GSN: variants seen among roughly 807,000 people sequenced by gnomAD.
GSN encodes the protein actin-depolymerizing factor.
GSN carries 56 observed loss-of-function variants against 85.7 expected under a neutral mutation model. The observed-to-expected ratio is 0.65, with a 90% CI of 0.53 to 0.82. The LOEUF is 0.82. Ranked by LOEUF, GSN falls within the 40% of genes least tolerant of loss-of-function variation. The probability of loss-of-function intolerance (pLI) is 0.00; values close to 1 mark genes in which losing one functional copy is unlikely to be tolerated. For missense variants in GSN, 857 were observed against 979.8 expected (o/e 0.87, Z 1.67); for synonymous variants, 373 against 399.1 (o/e 0.93, Z 0.78).
intron 2 of GSN, chr9:121,286,265 CT>C: frequency 1.1e-6 from 1 of 895,554 alleles, no homozygotes; most frequent in Non-Finnish European, 1.7e-6. Context: ...GAAAGTCCCG[CT>C]CCTGACTCCT....
chr9:121,326,902 C>T, intron 13 of GSN: 1 of 711,980 alleles, frequency 1.4e-6, no homozygotes, highest in Non-Finnish European at 2.6e-6. Flanking sequence ...GCACAGTGGA[C>T]AGCTCACTAC....
In GSN at chr9:121,261,444, A is replaced by G. The variant is rs1321938886; in HGVS notation, c.-340-3710A>G. On this transcript the variant is annotated intron_variant, in intron 6 of 24. Transcript: ENST00000373823. The surrounding 1 kb of genome is among the most constrained non-coding windows in gnomAD (Gnocchi z 4.1). ...ACATGAAAGGCAGTGGCTTTGGAGC[A>G]AAACCTGGGTTCCAGTCCCAGCTCT... 6.6e-6 allele frequency among the ~76,000 whole-genome samples: 1 copy of G among 152,256 alleles called. No homozygotes were observed. Among genetic ancestry groups the G allele is most frequent in the Non-Finnish European group, 1.5e-5 (1 of 68,036 alleles).
chr9:121,266,266 T>A (rs2055199537), upstream of GSN, among the ~76,000 whole-genome samples: 1 of 152,194 alleles, frequency 6.6e-6, no homozygotes, highest in South Asian at 2.1e-4. Context: ...TGATGTGGTA[T>A]TCTCCAGTTC....
chr9:121,227,374 A>T (rs1380076974), intron 4 of GSN, among the ~76,000 whole-genome samples: 1 of 152,002 alleles, frequency 6.6e-6, no homozygotes, highest in East Asian at 1.9e-4. Flanking sequence ...AGCCTAGGCA[A>T]CAGAGCGAGA....
intron 16 of GSN, among the ~76,000 whole-genome samples, chr9:121,330,536 C>T (rs1358239166): frequency 1.3e-5 from 2 of 152,184 alleles, no homozygotes; most frequent in South Asian, 2.1e-4. Context: ...GATCATGCCA[C>T]TGCACTCCAG....
intron 14 of GSN, among the ~76,000 whole-genome samples, chr9:121,327,740 A>C (rs112064290): frequency 0.093 from 14,211 of 152,206 alleles, 858 homozygotes; most frequent in Non-Finnish European, 0.13. Flanking sequence ...TTGGGAGGCT[A>C]AGGCGGGCGG....
At chr9:121,234,017 C>G (rs1006936807) in intron 5 of GSN, among the ~76,000 whole-genome samples, 3 of 152,186 alleles carry the variant, frequency 2.0e-5, no homozygotes, top group Admixed American at 6.5e-5. Flanking sequence ...ATGTCAGGGA[C>G]CCTGGTTCTT....
intron 5 of GSN, among the ~76,000 whole-genome samples, chr9:121,240,676 C>A (rs2054586066): frequency 6.6e-6 from 1 of 152,120 alleles, no homozygotes; most frequent in Non-Finnish European, 1.5e-5. Flanking sequence ...ACGGACAATC[C>A]TGCTAGGGCC....
chr9:121,269,940 CT>C (rs1466891455), intron 1 of GSN, among the ~76,000 whole-genome samples: 4 of 152,212 alleles, frequency 2.6e-5, no homozygotes, highest in African/African-American at 9.6e-5. Flanking sequence ...GCCAAAGAGC[CT>C]TGGAAGAGGA....
intron 11 of GSN, among the ~76,000 whole-genome samples, chr9:121,322,292 T>C (rs2062576826): frequency 6.6e-6 from 1 of 152,202 alleles, no homozygotes; most frequent in Admixed American, 6.5e-5. Context: ...TAGCATACTT[T>C]GTATATTGCC....
chr9:121,287,304 T>C (rs2058231162), intron 2 of GSN, among the ~76,000 whole-genome samples: 1 of 152,148 alleles, frequency 6.6e-6, no homozygotes, highest in Non-Finnish European at 1.5e-5. Flanking sequence ...GCTCTAATTC[T>C]AGCCCTGGCT....
chr9:121,268,043 G>A (rs1426680822), upstream of GSN: 1 of 151,840 alleles, frequency 6.6e-6, no homozygotes, highest in Non-Finnish European at 1.5e-5. Flanking sequence ...AGCAGCCGAC[G>A]GGAGGGCCTG....
upstream of GSN, chr9:121,203,159 G>A (rs1588383547): frequency 6.6e-6 from 1 of 152,226 alleles, no homozygotes; most frequent in Non-Finnish European, 1.5e-5. Context: ...AGCAAGGAGG[G>A]CTGGTAGTCT....
chr9:121,276,318 C>A (rs901431226), intron 1 of GSN, among the ~76,000 whole-genome samples: 3 of 152,220 alleles, frequency 2.0e-5, no homozygotes, highest in Non-Finnish European at 4.4e-5. Flanking sequence ...GAAGCCCTAG[C>A]CCCTCTCAAG....
upstream of GSN, chr9:121,268,093 G>T (rs1050945631): frequency 2.7e-5 from 4 of 148,690 alleles, no homozygotes; most frequent in Non-Finnish European, 6.0e-5. Context: ...GCCCCGCCCC[G>T]AGGGCGGCTC....
intron 2 of GSN, chr9:121,285,623 A>G (rs2057978002): frequency 6.4e-6 from 1 of 155,206 alleles, no homozygotes; most frequent in Non-Finnish European, 1.4e-5. Context: ...CCAGAGAGGA[A>G]CAGTGGCTCA....
chr9:121,329,375 C>A lies in GSN; in HGVS notation c.1965+60C>A. 9.9e-7 allele frequency: 1 copy of A among 1,007,700 alleles called. No homozygotes were observed. Among genetic ancestry groups the A allele is most frequent in the South Asian group, 1.3e-5 (1 of 78,742 alleles). The allele number at this position is 1,007,700 out of a possible 1,614,324, so 62.4% of individuals were successfully genotyped here. A position where few individuals can be genotyped will look rare whatever the true frequency, so the allele number is the denominator to read the frequency against. On this transcript the variant is annotated intron_variant, in intron 16 of 17. Transcript: ENST00000432226. This position sits in a 1 kb window ranked among gnomAD's most constrained non-coding sequence, Gnocchi z 4.6. ...GAGGGAGTGGGAGAAACTAGACTTC[C>A]AGTTCTATGATCAGTTGCTAGAAGG...
Position 121,301,884 on chromosome 9 carries a change from G to A in GSN, c.-9-79G>A, listed in dbSNP as rs781118043. The A allele has an allele frequency of 5.6e-6, 9 of 1,607,316 alleles. No individual in the cohort carries two copies. The African/African-American group carries it at 1.2e-4, about 21-fold the overall frequency. ...CTCAAGTGAGATGCTCTTGGTGCTAGAAACCGCCCTCCCTCATGCCTGGGG... is the reference window on the plus strand; with the variant it reads ...CTCAAGTGAGATGCTCTTGGTGCTAAAAACCGCCCTCCCTCATGCCTGGGG... On this transcript the variant is annotated intron_variant, in intron 2 of 17. Coordinates refer to ENST00000432226, the MANE Select transcript of GSN (RefSeq NM_198252.3).
At chr9:121,330,222 A>C (rs2063737685) in intron 16 of GSN, among the ~76,000 whole-genome samples, 1 of 152,228 alleles carries the variant, frequency 6.6e-6, no homozygotes. Context: ...TATGATGAGC[A>C]AAATAGAATG....
Sources: allele counts gnomAD v4.1 joint callset (sites outside exome capture counted in the v4.1 genomes callset), GRCh38; gene constraint gnomAD v4.1.1; non-coding constraint Gnocchi (gnomAD v3.1); transcripts MANE v1.5; gene names NCBI Gene and HGNC (gene_info 2026-07-23, HGNC 2026-07-21).